Variants in GPC6 observed in about 807,000 individuals in gnomAD.
The protein encoded by GPC6 is glypican-6.
In GPC6, 14 loss-of-function variants were observed where a neutral mutation model predicts 55.2. The observed-to-expected ratio is 0.25, with a 90% confidence interval of 0.17 to 0.40. The LOEUF is 0.40. Ranked by LOEUF, GPC6 falls within the 10% of genes least tolerant of loss-of-function variation. The pLI is 1.00. For synonymous variants in GPC6, 278 were observed against 259.6 expected, an observed-to-expected ratio of 1.07 and a Z score of -0.68; for missense variants, 641 against 708.5, an observed-to-expected ratio of 0.90 and a Z score of 1.08.
chr13:94,284,219 C>A (rs1345086227), intron 4 of GPC6, among the ~76,000 whole-genome samples: 1 of 152,188 alleles, frequency 6.6e-6, no homozygotes, highest in Non-Finnish European at 1.5e-5. Flanking sequence ...CCACCATTCA[C>A]TATGAGGCCT....
chr13:93,238,104 C>A (rs190910669), intron 1 of GPC6, among the ~76,000 whole-genome samples: 2 of 151,918 alleles, frequency 1.3e-5, no homozygotes, highest in East Asian at 3.9e-4. Context: ...CTGTGAAAAA[C>A]GATATTGGTA....
chr13:93,496,879 T>A (rs1475769550), intron 1 of GPC6, among the ~76,000 whole-genome samples: 1 of 152,234 alleles, frequency 6.6e-6, no homozygotes, highest in Non-Finnish European at 1.5e-5. Context: ...GTGTTAAACA[T>A]AATATATACA....
chr13:94,353,631 T>G (rs1878660476), intron 6 of GPC6, among the ~76,000 whole-genome samples: 1 of 152,102 alleles, frequency 6.6e-6, no homozygotes, highest in Non-Finnish European at 1.5e-5. Context: ...CCATTTCAGA[T>G]TCAGTAAAAT....
chr13:94,049,362 A>G (rs948467952), intron 4 of GPC6, among the ~76,000 whole-genome samples: 1 of 151,946 alleles, frequency 6.6e-6, no homozygotes, highest in Admixed American at 6.6e-5. Context: ...ATTCATAGTT[A>G]TGAGCAATGA....
intron 1 of GPC6, among the ~76,000 whole-genome samples, chr13:93,535,838 T>A (rs1439226088): frequency 6.6e-6 from 1 of 152,064 alleles, no homozygotes; most frequent in Admixed American, 6.6e-5. Flanking sequence ...CTTCTTCCTA[T>A]CTAGTAACAT....
intron 6 of GPC6, among the ~76,000 whole-genome samples, chr13:94,380,764 C>T (rs1166781915): frequency 6.6e-6 from 1 of 152,156 alleles, no homozygotes; most frequent in Admixed American, 6.5e-5. Context: ...CAAATTTTGC[C>T]CACTATCACA....
intron 3 of GPC6, among the ~76,000 whole-genome samples, chr13:93,944,804 C>G (rs1442853722): frequency 6.6e-6 from 1 of 152,108 alleles, no homozygotes; most frequent in Non-Finnish European, 1.5e-5. Context: ...GTAGGTGTAT[C>G]GGAATTGGGA....
rs1457646758 is a variant in GPC6 at position 93,942,462 on chromosome 13, G to A, written c.712-85267G>A. Among the ~76,000 whole-genome samples, 5 of 152,252 alleles carry A rather than the reference G, an allele frequency of 3.3e-5. No homozygotes were observed. In the East Asian group the frequency reaches 9.7e-4, roughly 30 times the overall value. On this transcript the variant is annotated intron_variant, in intron 3 of 8. Transcript: ENST00000377047. ...AGCCTCCTGAGGAGTTGGGACTACA[G>A]GCACCTGCCACCATGCCTGGCTAAT...
chr13:93,270,285 A>AT (rs1208144111), intron 1 of GPC6, among the ~76,000 whole-genome samples: 1 of 150,962 alleles, frequency 6.6e-6, no homozygotes, highest in Non-Finnish European at 1.5e-5. Flanking sequence ...ATCACCTAAG[A>AT]TTTTATGTTG....
At chr13:93,445,364 T>A (rs1411800633) in intron 1 of GPC6, among the ~76,000 whole-genome samples, 4 of 152,210 alleles carry the variant, frequency 2.6e-5, no homozygotes, top group African/African-American at 9.7e-5. Flanking sequence ...ACTGTCATAG[T>A]CAGGGCTCTT....
intron 4 of GPC6, among the ~76,000 whole-genome samples, chr13:94,066,081 A>G (rs896153783): frequency 6.6e-6 from 1 of 152,198 alleles, no homozygotes; most frequent in Non-Finnish European, 1.5e-5. Flanking sequence ...GGTTTCTCAG[A>G]TGGTGCTCAG....
At chr13:94,110,247 T>C (rs7327936) in intron 4 of GPC6, among the ~76,000 whole-genome samples, 2,556 of 151,892 alleles carry the variant, frequency 0.017, 68 homozygotes, top group African/African-American at 0.058. Context: ...GAAATCATTG[T>C]CAAGGAGTAG....
intron 3 of GPC6, among the ~76,000 whole-genome samples, chr13:93,838,124 C>A (rs749547017): frequency 8.5e-5 from 13 of 152,124 alleles, no homozygotes; most frequent in Non-Finnish European, 1.9e-4. Context: ...ATGGGCTGAG[C>A]ACCTACTATG....
intron 1 of GPC6, among the ~76,000 whole-genome samples, chr13:93,458,221 T>TA (rs1878543760): frequency 6.6e-6 from 1 of 152,206 alleles, no homozygotes; most frequent in African/African-American, 2.4e-5. Flanking sequence ...GAGACACAGT[T>TA]ACACAGTAAC....
At chr13:94,007,046 T>A (rs1442664723) in intron 3 of GPC6, among the ~76,000 whole-genome samples, 1 of 152,218 alleles carries the variant, frequency 6.6e-6, no homozygotes, top group Non-Finnish European at 1.5e-5. Context: ...ACTTACAAAC[T>A]AATTTTTAAA....
chr13:93,734,788 C>T (rs1371709803), intron 2 of GPC6, among the ~76,000 whole-genome samples: 4 of 152,066 alleles, frequency 2.6e-5, no homozygotes, highest in Admixed American at 1.3e-4. Context: ...CTTTCTTATT[C>T]TGCCTCCTGT....
At chr13:93,331,435 G>A (rs1201540918) in intron 1 of GPC6, among the ~76,000 whole-genome samples, 1 of 152,154 alleles carries the variant, frequency 6.6e-6, no homozygotes, top group East Asian at 1.9e-4. Flanking sequence ...GCGTGGTAGA[G>A]TATGATTCAT....
chr13:93,302,865 C>G (rs1338991992), intron 1 of GPC6, among the ~76,000 whole-genome samples: 1 of 152,160 alleles, frequency 6.6e-6, no homozygotes, highest in African/African-American at 2.4e-5. Flanking sequence ...AATCCCTGAG[C>G]AGACAAAGCC....
At chr13:94,054,754 G>C (rs913986339) in intron 4 of GPC6, among the ~76,000 whole-genome samples, 3 of 152,170 alleles carry the variant, frequency 2.0e-5, no homozygotes, top group Non-Finnish European at 2.9e-5. Context: ...CATTTACCAA[G>C]TGGGTTAGGA....
Sources: gnomAD v4.1 joint callset for allele counts (sites outside exome capture counted in the v4.1 genomes callset) on GRCh38, gnomAD v4.1.1 for gene constraint, MANE v1.5 for transcripts, NCBI Gene and HGNC (gene_info 2026-07-23, HGNC 2026-07-21) for gene names.